The following DCC variants were observed in gnomAD, a reference collection of about 807,000 sequenced individuals.
The protein encoded by DCC is DCC netrin 1 receptor.
A neutral mutation model predicts 172.5 loss-of-function variants in DCC; 58 were observed. That is an observed-to-expected ratio of 0.34 (90% CI 0.27 to 0.42). The LOEUF is 0.42. Among genes scored for constraint, DCC ranks in the 10% least tolerant of loss-of-function variants. The probability of loss-of-function intolerance (pLI) is 1.00; values close to 1 mark genes in which losing one functional copy is unlikely to be tolerated. For missense variants in DCC, 1,740 were observed against 1,791.0 expected, an observed-to-expected ratio of 0.97 and a Z score of 0.51; for synonymous variants, 709 against 644.5, an observed-to-expected ratio of 1.10 and a Z score of -1.52.
In DCC at chr18:53,517,011, C is replaced by A. The variant is rs536959422; in HGVS notation, c.4112-9606C>A. On this transcript the variant is annotated intron_variant, in intron 27 of 28. Transcript: ENST00000442544. ...GACACATGCACACATATGTTTATTG[C>A]GGCATTATTCACAATAGCAAAGACT... 4.9e-3 allele frequency among the ~76,000 whole-genome samples: 697 copies of A among 142,430 alleles called. 4 individuals carry two copies. The highest frequency in any genetic ancestry group is 0.015 in the Middle Eastern group (4 of 274). The allele number at this position is 142,430 out of a possible 152,430, so 93.4% of individuals were successfully genotyped here. A position where few individuals can be genotyped will look rare whatever the true frequency, so the allele number is the denominator to read the frequency against.
chr18:52,492,554 G>T (rs539675344), intron 1 of DCC, among the ~76,000 whole-genome samples: 1 of 152,038 alleles, frequency 6.6e-6, no homozygotes, highest in East Asian at 1.9e-4. Context: ...AAGATGAAAT[G>T]ATTTGAGTTT....
intron 1 of DCC, among the ~76,000 whole-genome samples, chr18:52,691,766 T>C (rs986098536): frequency 6.6e-6 from 1 of 152,112 alleles, no homozygotes; most frequent in South Asian, 2.1e-4. Context: ...CGGGGCACAG[T>C]TTAACTCACC....
intron 21 of DCC, among the ~76,000 whole-genome samples, chr18:53,417,113 G>C (rs1371783205): frequency 2.0e-5 from 3 of 152,152 alleles, no homozygotes; most frequent in Non-Finnish European, 4.4e-5. Flanking sequence ...GTCTCATAAG[G>C]CACCATGTCG....
chr18:53,168,442 AT>A (rs1366839745), intron 8 of DCC, among the ~76,000 whole-genome samples: 7 of 151,990 alleles, frequency 4.6e-5, no homozygotes, highest in Non-Finnish European at 1.0e-4. Flanking sequence ...GGAAACCATC[AT>A]TCTCAGCAAA....
chr18:53,323,724 C>A (rs924741571), intron 14 of DCC, among the ~76,000 whole-genome samples: 3 of 151,806 alleles, frequency 2.0e-5, no homozygotes, highest in Non-Finnish European at 2.9e-5. Flanking sequence ...GATGGATAGA[C>A]CATCAGGCAA....
chr18:53,238,718 C>T lies in DCC; in HGVS notation c.1911+23121C>T, dbSNP rs60034326. Among the ~76,000 whole-genome samples, 593 of 152,126 alleles carry T rather than the reference C, an allele frequency of 3.9e-3. 2 individuals carry two copies. The highest frequency in any genetic ancestry group is 0.014 in the African/African-American group (576 of 41,504). On this transcript the variant is annotated intron_variant, in intron 12 of 28. Coordinates refer to ENST00000442544, the MANE Select transcript of DCC (RefSeq NM_005215.4). ...GAACTCAGAGCCTAGAGGACTGAGA[C>T]AAGCAGCCAAACATGTAAAAGTGAA...
At chr18:52,496,403 A>G (rs982561806) in intron 1 of DCC, among the ~76,000 whole-genome samples, 2 of 152,196 alleles carry the variant, frequency 1.3e-5, no homozygotes, top group Non-Finnish European at 2.9e-5. Context: ...AAAATAGCAT[A>G]GCTAGTTTTA....
At chr18:52,843,075 G>A (rs1433104155) in intron 2 of DCC, among the ~76,000 whole-genome samples, 1 of 152,176 alleles carries the variant, frequency 6.6e-6, no homozygotes, top group Non-Finnish European at 1.5e-5. Flanking sequence ...AGTTATAAAT[G>A]TTACAGCCTT....
At chr18:52,814,464 G>A (rs541951494) in intron 2 of DCC, among the ~76,000 whole-genome samples, 2 of 152,212 alleles carry the variant, frequency 1.3e-5, no homozygotes, top group African/African-American at 2.4e-5. Flanking sequence ...AACGCAAAGA[G>A]AGCACCAGGG....
chr18:53,504,480 A>G (rs1394703582), intron 27 of DCC, among the ~76,000 whole-genome samples: 1 of 152,202 alleles, frequency 6.6e-6, no homozygotes. Context: ...ATTACACTAC[A>G]TCTAAGTTTC....
At chr18:52,357,776 A>G (rs1056255653) in intron 1 of DCC, among the ~76,000 whole-genome samples, 1 of 152,022 alleles carries the variant, frequency 6.6e-6, no homozygotes, top group Non-Finnish European at 1.5e-5. Context: ...CTCTACTAAA[A>G]ATACAAAAAA....
At chr18:53,121,656 ACT>A (rs895400179) in intron 7 of DCC, among the ~76,000 whole-genome samples, 20 of 151,892 alleles carry the variant, frequency 1.3e-4, no homozygotes, top group Middle Eastern at 3.4e-3. Context: ...TGCATATTTA[ACT>A]CTTTTTTCAA....
chr18:52,836,783 C>A (rs2038713639), intron 2 of DCC, among the ~76,000 whole-genome samples: 1 of 152,088 alleles, frequency 6.6e-6, no homozygotes, highest in African/African-American at 2.4e-5. Context: ...GGATGGTGGC[C>A]CTCTTCTCAT....
intron 3 of DCC, among the ~76,000 whole-genome samples, chr18:52,916,589 A>G (rs2040044528): frequency 6.6e-6 from 1 of 152,208 alleles, no homozygotes; most frequent in Non-Finnish European, 1.5e-5. Context: ...CATGGGTAAA[A>G]GATCTATTCA....
intron 2 of DCC, among the ~76,000 whole-genome samples, chr18:52,903,578 C>T (rs544486736): frequency 6.6e-6 from 1 of 152,184 alleles, no homozygotes; most frequent in Admixed American, 6.5e-5. Context: ...TATAAATGTC[C>T]AGATTATTAA....
intron 7 of DCC, among the ~76,000 whole-genome samples, chr18:53,150,710 AG>A (rs2043984849): frequency 6.6e-6 from 1 of 152,240 alleles, no homozygotes; most frequent in Non-Finnish European, 1.5e-5. Flanking sequence ...AAGCAATTGG[AG>A]GAAGGTATTC....
intron 22 of DCC, among the ~76,000 whole-genome samples, chr18:53,444,448 G>A (rs1042048612): frequency 6.6e-6 from 1 of 152,164 alleles, no homozygotes; most frequent in Non-Finnish European, 1.5e-5. Flanking sequence ...GCAATGAGCT[G>A]AGATCACACC....
intron 2 of DCC, among the ~76,000 whole-genome samples, chr18:52,813,818 A>G (rs1047439880): frequency 6.6e-6 from 1 of 152,186 alleles, no homozygotes; most frequent in Non-Finnish European, 1.5e-5. Flanking sequence ...TCAGCTGGAT[A>G]TTGGTCTTTT....
At chr18:53,369,907 G>T (rs889819777) in intron 15 of DCC, among the ~76,000 whole-genome samples, 8 of 151,760 alleles carry the variant, frequency 5.3e-5, no homozygotes, top group African/African-American at 1.9e-4. Context: ...GGAGATATTG[G>T]TCTGTAGCTC....
Sources: allele counts gnomAD v4.1 joint callset (sites outside exome capture counted in the v4.1 genomes callset), GRCh38; gene constraint gnomAD v4.1.1; transcripts MANE v1.5; gene names NCBI Gene and HGNC (gene_info 2026-07-23, HGNC 2026-07-21).